Variants in HFM1 observed in about 807,000 individuals in gnomAD.
HFM1 encodes probable ATP-dependent DNA helicase HFM1.
A neutral mutation model predicts 192.1 loss-of-function variants in HFM1; 169 were observed. The observed-to-expected ratio is 0.88, with a 90% CI of 0.78 to 1.00. The LOEUF is 1.00. HFM1 is among the 50% of genes least tolerant of loss of function. HFM1 has a pLI of 0.00. For synonymous variants in HFM1, 525 were observed against 537.8 expected (o/e 0.98, Z 0.33); for missense variants, 1,661 against 1,668.0 (o/e 1.00, Z 0.07).
In HFM1 at chr1:91,266,022, T is replaced by A; in HGVS notation, c.3969A>T (p.Ser1323=). Residue 1323 remains serine (S), a synonymous_variant, in exon 36 of 39, where the codon TCA becomes TCT. Coordinates refer to ENST00000370425, the MANE Select transcript of HFM1 (RefSeq NM_001017975.6). Reference sequence around the variant, plus strand: ...ACCTAAGTTCTAAAACTTGCCTGTTTGACATTTCTCTTTGGAATTTGCTCT... The same window carrying A: ...ACCTAAGTTCTAAAACTTGCCTGTTAGACATTTCTCTTTGGAATTTGCTCT... The part of the protein sequence containing the change: ...ESKSKFQREM[S]NSFVSSHEMS... The A allele has an allele frequency of 6.3e-7, 1 of 1,588,514 alleles. No individual in the cohort carries two copies.
intron 36 of HFM1, among the ~76,000 whole-genome samples, chr1:91,265,414 G>GTA (rs1209046914): frequency 2.6e-5 from 4 of 152,182 alleles, no homozygotes; most frequent in African/African-American, 9.7e-5. Context: ...TGCCTGCACA[G>GTA]TAACAACTGC....
intron 35 of HFM1, among the ~76,000 whole-genome samples, chr1:91,267,311 A>G (rs914735927): frequency 6.6e-6 from 1 of 152,190 alleles, no homozygotes; most frequent in East Asian, 1.9e-4. Context: ...CTGAAAGTCC[A>G]TATTTCAACT....
intron 25 of HFM1, among the ~76,000 whole-genome samples, chr1:91,318,064 A>C (rs1651518958): frequency 1.3e-5 from 1 of 75,248 alleles, no homozygotes; most frequent in Non-Finnish European, 2.6e-5. Context: ...CACTTAGCCG[A>C]ATTTCAAAAT....
intron 20 of HFM1, among the ~76,000 whole-genome samples, chr1:91,331,307 G>C (rs532607228): frequency 6.6e-6 from 1 of 152,196 alleles, no homozygotes; most frequent in South Asian, 2.1e-4. Flanking sequence ...GCAAAAATCA[G>C]TAGCATTCCT....
At chr1:91,357,143 A>G (rs917388188) in intron 13 of HFM1, among the ~76,000 whole-genome samples, 1 of 152,242 alleles carries the variant, frequency 6.6e-6, no homozygotes, top group Admixed American at 6.5e-5. Flanking sequence ...CCACATAAAG[A>G]CACTACAAGA....
At chr1:91,294,967 T>C (rs979775374) in intron 30 of HFM1, among the ~76,000 whole-genome samples, 1 of 152,212 alleles carries the variant, frequency 6.6e-6, no homozygotes. Flanking sequence ...GAAGTAGTTG[T>C]ATCAATCTAT....
At chr1:91,388,571 C>T (rs1457213097) in intron 4 of HFM1, among the ~76,000 whole-genome samples, 1 of 152,140 alleles carries the variant, frequency 6.6e-6, no homozygotes, top group African/African-American at 2.4e-5. Flanking sequence ...TGAGAATGAA[C>T]TCCTACTTCA....
chr1:91,343,057 C>T (rs1384807611), intron 20 of HFM1, among the ~76,000 whole-genome samples: 1 of 151,608 alleles, frequency 6.6e-6, no homozygotes, highest in Non-Finnish European at 1.5e-5. Flanking sequence ...GAAACCCCGT[C>T]TCTACTAAAA....
At chr1:91,360,297 A>C (rs1658322950) in intron 13 of HFM1, among the ~76,000 whole-genome samples, 1 of 152,330 alleles carries the variant, frequency 6.6e-6, no homozygotes, top group East Asian at 1.9e-4. Flanking sequence ...AGTCTTCAAG[A>C]GACCCATCTC....
intron 7 of HFM1, among the ~76,000 whole-genome samples, 169 bp from the exon 8 acceptor site, chr1:91,380,405 A>G (rs551432906): frequency 6.6e-6 from 1 of 152,282 alleles, no homozygotes; most frequent in Admixed American, 6.5e-5. Flanking sequence ...CTCTCGAAAA[A>G]TAACACTATT....
intron 6 of HFM1, among the ~76,000 whole-genome samples, chr1:91,381,828 T>G (rs1311385575): frequency 6.6e-5 from 10 of 152,140 alleles, no homozygotes; most frequent in Non-Finnish European, 1.2e-4. Context: ...AAGTACACAG[T>G]TACTTAAACA....
chr1:91,403,674 C>T (rs367996373), intron 1 of HFM1, among the ~76,000 whole-genome samples: 32 of 152,078 alleles, frequency 2.1e-4, no homozygotes, highest in African/African-American at 5.8e-4. Context: ...CAATATCATC[C>T]CAGGTAGTTT....
intron 30 of HFM1, among the ~76,000 whole-genome samples, chr1:91,297,835 T>C (rs1163840510): frequency 6.6e-6 from 1 of 151,886 alleles, no homozygotes; most frequent in Non-Finnish European, 1.5e-5. Context: ...ACCACAAAGA[T>C]GGGGAAAAAA....
intron 16 of HFM1, 53 bp downstream of exon 16, chr1:91,352,450 ATTT>A: frequency 7.4e-7 from 1 of 1,352,216 alleles, no homozygotes; most frequent in South Asian, 1.5e-5. Context: ...AAAATACACA[ATTT>A]TTTTGTTTTT....
chr1:91,373,251 G>A (rs1167155074), intron 13 of HFM1, among the ~76,000 whole-genome samples: 2 of 151,886 alleles, frequency 1.3e-5, no homozygotes, highest in Non-Finnish European at 2.9e-5. Context: ...GGAACAGACT[G>A]GTAATTGGAA....
At chr1:91,276,347 C>T (rs1666803040) in intron 32 of HFM1, among the ~76,000 whole-genome samples, 1 of 152,178 alleles carries the variant, frequency 6.6e-6, no homozygotes, top group Admixed American at 6.6e-5. Flanking sequence ...CACTCTACTA[C>T]AAATTCTATG....
At chr1:91,331,508 A>G (rs1253788508) in intron 20 of HFM1, among the ~76,000 whole-genome samples, 1 of 152,174 alleles carries the variant, frequency 6.6e-6, no homozygotes, top group Non-Finnish European at 1.5e-5. Context: ...AAACCTGAAA[A>G]AGAAATAAAA....
chr1:91,325,794 T>C (rs1296735250), intron 20 of HFM1, among the ~76,000 whole-genome samples: 1 of 152,046 alleles, frequency 6.6e-6, no homozygotes, highest in Non-Finnish European at 1.5e-5. Flanking sequence ...AAAAGAGAGA[T>C]ATGTGACCTT....
At chr1:91,328,877 C>T in intron 20 of HFM1, 2 of 1,610,748 alleles carry the variant, frequency 1.2e-6, no homozygotes, top group Non-Finnish European at 1.7e-6. Flanking sequence ...CTGTGCTGCC[C>T]TGGTGAAGGC....
Sources: gnomAD v4.1 joint callset for allele counts (sites outside exome capture counted in the v4.1 genomes callset) on GRCh38, gnomAD v4.1.1 for gene constraint, MANE v1.5 for transcripts, NCBI Gene and HGNC (gene_info 2026-07-23, HGNC 2026-07-21) for gene names.